Variants in PCDH10 observed in about 807,000 individuals in gnomAD.
PCDH10 encodes the protein protocadherin-10.
A neutral mutation model predicts 74.4 loss-of-function variants in PCDH10; 15 were observed. That is an observed-to-expected ratio of 0.20 (90% confidence interval 0.13 to 0.31). PCDH10 has a LOEUF of 0.31. PCDH10 is among the 10% of genes least tolerant of loss of function. The probability of loss-of-function intolerance (pLI) is 1.00; values close to 1 mark genes in which losing one functional copy is unlikely to be tolerated. For synonymous variants in PCDH10, 619 were observed against 589.8 expected, an observed-to-expected ratio of 1.05 and a Z score of -0.72; for missense variants, 1,260 against 1,390.2, an observed-to-expected ratio of 0.91 and a Z score of 1.49.
At chr4:133,154,444 A>G in intron 2 of PCDH10, 79 bp downstream of exon 2, 1 of 755,766 alleles carries the variant, frequency 1.3e-6, no homozygotes, top group South Asian at 1.9e-5. Flanking sequence ...ATTATTCTAA[A>G]TTAAAATTGA....
chr4:133,167,947 C>A (rs535434912), intron 4 of PCDH10, among the ~76,000 whole-genome samples: 1 of 151,254 alleles, frequency 6.6e-6, no homozygotes, highest in Non-Finnish European at 1.5e-5. Context: ...GAACCCTGTT[C>A]ATTTTCTCTA....
Position 133,190,397 on chromosome 4 carries a change from C to G in PCDH10, c.*237C>G, listed in dbSNP as rs145179941. 1 of 577,950 alleles carries G rather than the reference C, an allele frequency of 1.7e-6. No homozygotes were observed. Among genetic ancestry groups the G allele is most frequent in the Non-Finnish European group, 3.1e-6 (1 of 317,904 alleles). 35.8% of individuals were successfully genotyped at this position (577,950 alleles called of 1,614,324 possible). A position where few individuals can be genotyped will look rare whatever the true frequency, so the allele number is the denominator to read the frequency against. On this transcript the variant is annotated 3_prime_UTR_variant, in exon 5 of 5. Coordinates refer to ENST00000264360, the MANE Select transcript of PCDH10 (RefSeq NM_032961.3). ...TTAGAGGCAACAGATTTTGCCTCCC[C>G]GATCAGTGTGTGCCTGTTTACAGCA...
chr4:133,188,603 A>G (rs1727589959), intron 4 of PCDH10, among the ~76,000 whole-genome samples: 1 of 151,472 alleles, frequency 6.6e-6, no homozygotes, highest in African/African-American at 2.4e-5. Flanking sequence ...TATACTACAC[A>G]ATACATGTAG....
chr4:133,175,205 CT>C (rs756101114), intron 4 of PCDH10, among the ~76,000 whole-genome samples: 11 of 152,058 alleles, frequency 7.2e-5, no homozygotes, highest in Middle Eastern at 3.4e-3. Context: ...TCTCATTTAA[CT>C]TACTTTCCTC....
rs143860002 is a variant in PCDH10, at chr4:133,151,085, G to A, written c.945G>A (p.Glu315=). The A allele has an allele frequency of 6.2e-7, 1 of 1,614,102 alleles. No individual in the cohort carries two copies. Among genetic ancestry groups the A allele is most frequent in the Non-Finnish European group, 8.5e-7 (1 of 1,180,034 alleles). Residue 315 remains glutamate, a synonymous_variant, in exon 1 of 5, where the codon GAG becomes GAA. Coordinates refer to ENST00000264360, the MANE Select transcript of PCDH10 (RefSeq NM_032961.3). ...CTGGCAGACTGGAGGTAAGCGGCGA[G>A]TTGGACTATGAAGAGAGCCCAGTGT... ...PRTGRLEVSG[E]LDYEESPVYQ... is the part of the protein sequence containing the mutation.
chr4:133,187,624 TA>T (rs752671092), intron 4 of PCDH10, among the ~76,000 whole-genome samples: 20 of 152,118 alleles, frequency 1.3e-4, no homozygotes, highest in Non-Finnish European at 2.6e-4. Flanking sequence ...GTAAATTTAA[TA>T]ATAGGTGATT....
chr4:133,192,117 T>A lies in PCDH10; in HGVS notation c.*1957T>A, dbSNP rs1163674021. On this transcript the variant is annotated 3_prime_UTR_variant, in exon 5 of 5. Transcript: ENST00000264360. ...ATATATCAAAATAATGTATGTAATG[T>A]TCCAGCCTTTTGAAGTCTCTTTAAA... 1 of 151,622 alleles carries A rather than the reference T, an allele frequency of 6.6e-6. No homozygotes were observed. Among genetic ancestry groups the A allele is most frequent in the Non-Finnish European group, 1.5e-5 (1 of 67,642 alleles). 9.4% of individuals were successfully genotyped at this position (151,622 alleles called of 1,614,324 possible).
chr4:133,151,007 C>A lies in PCDH10; in HGVS notation c.867C>A (p.Phe289Leu), dbSNP rs370972266. ...EGQNGEVVYS[F>L]SSHISPRARE... ...AGAACGGTGAGGTCGTGTACTCCTT[C>A]AGCAGCCACATTTCGCCCCGGGCGC... Residue 289 changes from phenylalanine (F) to leucine (L), a missense_variant, in exon 1 of 5, where the codon TTC (phenylalanine) becomes TTA (leucine). Coordinates refer to ENST00000264360, the MANE Select transcript of PCDH10 (RefSeq NM_032961.3). The A allele has an allele frequency of 6.2e-7, 1 of 1,613,920 alleles. No homozygotes were observed. Among genetic ancestry groups the A allele is most frequent in the South Asian group, 1.1e-5 (1 of 91,088 alleles).
Position 133,201,873 on chromosome 4 carries a change from A to T in PCDH10, n.438-6203A>T, listed in dbSNP as rs528921554. ...CTCCATCTCAAAAAAAAAAAAAAAA[A>T]AAAAGGAATTGTGCTTGGGGATCCC... is the stretch of plus-strand genomic sequence containing the variant. On this transcript the variant is annotated intron_variant and non_coding_transcript_variant, in intron 2 of 2. Transcript: ENST00000511112. 1.3e-4 allele frequency among the ~76,000 whole-genome samples: 19 copies of T among 151,660 alleles called. No homozygotes were observed. In the East Asian group the frequency reaches 3.7e-3, roughly 29 times the overall value.
chr4:133,165,998 A>AT (rs1727072923), intron 4 of PCDH10, among the ~76,000 whole-genome samples: 1 of 151,764 alleles, frequency 6.6e-6, no homozygotes, highest in East Asian at 1.9e-4. Context: ...ACCCATGAAG[A>AT]GTATACATGA....
Position 133,150,113 on chromosome 4 carries a change from C to G in PCDH10, c.-28C>G, listed in dbSNP as rs188617041. 1 of 1,466,072 alleles carries G rather than the reference C, an allele frequency of 6.8e-7. No homozygotes were observed. Among genetic ancestry groups the G allele is most frequent in the East Asian group, 2.4e-5 (1 of 41,656 alleles). The allele number at this position is 1,466,072 out of a possible 1,614,324, so 90.8% of individuals were successfully genotyped here. On this transcript the variant is annotated 5_prime_UTR_variant, in exon 1 of 5. Coordinates refer to ENST00000264360, the MANE Select transcript of PCDH10 (RefSeq NM_032961.3). ...AGGTGATTGGGTGGCTGACTGGCTGCGGGAAGCTACTTCCTTTCCTTTTGG... is the reference window on the plus strand; with the variant it reads ...AGGTGATTGGGTGGCTGACTGGCTGGGGGAAGCTACTTCCTTTCCTTTTGG...
At chr4:133,170,417 A>G (rs551019861) in intron 4 of PCDH10, among the ~76,000 whole-genome samples, 20 of 152,244 alleles carry the variant, frequency 1.3e-4, no homozygotes, top group African/African-American at 4.6e-4. Context: ...AAGTCATTCA[A>G]CAAGGGATTA....
chr4:133,186,357 A>G (rs559787174), intron 4 of PCDH10, among the ~76,000 whole-genome samples: 1 of 152,284 alleles, frequency 6.6e-6, no homozygotes, highest in East Asian at 1.9e-4. Flanking sequence ...TTCTGATTTC[A>G]TTTGATTGAA....
At chr4:133,153,228 A>G in intron 1 of PCDH10, 3 of 1,037,470 alleles carry the variant, frequency 2.9e-6, no homozygotes, top group Non-Finnish European at 3.5e-6. Context: ...TGTACAAGTA[A>G]GCTATAGATT....
chr4:133,165,580 C>T (rs1341280588), intron 4 of PCDH10, among the ~76,000 whole-genome samples: 1 of 151,668 alleles, frequency 6.6e-6, no homozygotes, highest in African/African-American at 2.4e-5. Context: ...TAAAAATTGA[C>T]ACTACTTGCT....
intron 2 of PCDH10, among the ~76,000 whole-genome samples, chr4:133,202,933 G>C (rs565380329): frequency 6.6e-6 from 1 of 152,162 alleles, no homozygotes; most frequent in African/African-American, 2.4e-5. Context: ...GCTGAGGAGA[G>C]GTGAGGCCAC....
Position 133,192,283 on chromosome 4 carries a change from A to G in PCDH10, c.*2123A>G, listed in dbSNP as rs909731888. The G allele has an allele frequency of 2.0e-5, 3 of 151,676 alleles. No homozygotes were observed. The highest frequency in any genetic ancestry group is 7.2e-5 in the African/African-American group (3 of 41,406). The allele number at this position is 151,676 out of a possible 1,614,324, so 9.4% of individuals were successfully genotyped here. A position where few individuals can be genotyped will look rare whatever the true frequency, so the allele number is the denominator to read the frequency against. On this transcript the variant is annotated 3_prime_UTR_variant, in exon 5 of 5. Transcript: ENST00000264360. ...TATTTTAGTAAGGAAATGTTTATAC[A>G]TAATTTAACTGGAAAAAAGTCTGTT...
rs1157389634 is a variant in PCDH10, at chr4:133,192,952, A to G, written c.*2792A>G. 1.3e-5 allele frequency: 2 copies of G among 151,698 alleles called. No homozygotes were observed. The highest frequency in any genetic ancestry group is 4.8e-5 in the African/African-American group (2 of 41,416). 9.4% of individuals were successfully genotyped at this position (151,698 alleles called of 1,614,324 possible). A position where few individuals can be genotyped will look rare whatever the true frequency, so the allele number is the denominator to read the frequency against. On this transcript the variant is annotated 3_prime_UTR_variant, in exon 5 of 5. Transcript: ENST00000264360. ...TGGTCATTCTAATATCCAATCTTAC[A>G]TAATTTTATATACATCAAAGAATAA...
chr4:133,207,970 A>T (rs1728040407), intron 2 of PCDH10: 1 of 152,186 alleles, frequency 6.6e-6, no homozygotes. Flanking sequence ...TCAAAGTGAT[A>T]AAAGTGAAGT....
Sources: gnomAD v4.1 joint callset for allele counts (sites outside exome capture counted in the v4.1 genomes callset) on GRCh38, gnomAD v4.1.1 for gene constraint, MANE v1.5 for transcripts, NCBI Gene and HGNC (gene_info 2026-07-23, HGNC 2026-07-21) for gene names.